ACBD5: variants seen among roughly 807,000 people sequenced by gnomAD.
ACBD5 encodes the protein acyl-CoA binding domain containing 5, also known as acyl-CoA-binding domain-containing protein 5.
Under a neutral mutation model 71.8 loss-of-function variants are expected in ACBD5, and 40 were observed. That is an observed-to-expected ratio of 0.56 (90% CI 0.43 to 0.72). ACBD5 has a LOEUF of 0.72. ACBD5 is among the 30% of genes least tolerant of loss of function. The probability of loss-of-function intolerance (pLI) is 0.00; values close to 1 mark genes in which losing one functional copy is unlikely to be tolerated. For synonymous variants in ACBD5, 229 were observed against 218.6 expected, an observed-to-expected ratio of 1.05 and a Z score of -0.42; for missense variants, 559 against 644.5, an observed-to-expected ratio of 0.87 and a Z score of 1.44.
At chr10:27,198,885 C>T (rs1403649047) in intron 12 of ACBD5, among the ~76,000 whole-genome samples, 1 of 152,024 alleles carries the variant, frequency 6.6e-6, no homozygotes, top group Admixed American at 6.6e-5. Context: ...CCGAGGCGGG[C>T]GGATCACGAG....
intron 7 of ACBD5, among the ~76,000 whole-genome samples, chr10:27,217,242 G>A (rs1220840472): frequency 6.9e-6 from 1 of 144,436 alleles, no homozygotes; most frequent in Non-Finnish European, 1.5e-5. Flanking sequence ...GATCACTTAA[G>A]GTCAGGAGTT....
downstream of ACBD5, among the ~76,000 whole-genome samples, chr10:27,190,317 C>T (rs1190768927): frequency 2.0e-5 from 2 of 98,598 alleles, no homozygotes; most frequent in African/African-American, 7.0e-5. Flanking sequence ...TTTGTCCCAC[C>T]CCCATTAAAT....
In ACBD5 at chr10:27,207,286, C is replaced by CATAATAATAATAATA. The variant is rs10676608; in HGVS notation, c.1404+945_1404+959dup. On this transcript the variant is annotated intron_variant, in intron 10 of 12. Coordinates refer to ENST00000396271, the MANE Select transcript of ACBD5 (RefSeq NM_145698.5). ...TGAGACTCCATCTCAAAAAAAAACC[C>CATAATAATAATAATA]ATAATAATAATAATAATAATAATAA... Among the ~76,000 whole-genome samples the CATAATAATAATAATA allele has an allele frequency of 2.2e-3, 326 of 146,074 alleles. 1 individual carries two copies. The highest frequency in any genetic ancestry group is 6.8e-3 in the African/African-American group (271 of 40,138).
chr10:27,226,786 A>C (rs949505351), intron 4 of ACBD5, among the ~76,000 whole-genome samples: 1 of 151,604 alleles, frequency 6.6e-6, no homozygotes, highest in Non-Finnish European at 1.5e-5. Context: ...CGAGTAGCTG[A>C]GACTATAGGC....
At chr10:27,190,608 G>C (rs755535376), downstream of ACBD5, among the ~76,000 whole-genome samples, 49 of 148,070 alleles carry the variant, frequency 3.3e-4, no homozygotes, top group Non-Finnish European at 5.0e-4. Context: ...CTTATTTTTA[G>C]CCATTTATAA....
At chr10:27,216,307 T>C (rs552473817) in intron 7 of ACBD5, among the ~76,000 whole-genome samples, 12 of 152,274 alleles carry the variant, frequency 7.9e-5, no homozygotes, top group African/African-American at 2.9e-4. Context: ...GCCCAGCTAA[T>C]TTTTTGTATA....
At chr10:27,193,466 T>C (rs74544016), downstream of ACBD5, 7,787 of 152,012 alleles carry the variant, frequency 0.051, 316 homozygotes, top group Admixed American at 0.12. Context: ...GAACTGATAC[T>C]ACCCTTGATC....
chr10:27,241,082 G>C (rs190835927), upstream of ACBD5, among the ~76,000 whole-genome samples: 1 of 152,378 alleles, frequency 6.6e-6, no homozygotes, highest in African/African-American at 2.4e-5. Context: ...CGAAGTGCGC[G>C]CTGGGGATGC....
Position 27,217,990 on chromosome 10 carries a change from G to A in ACBD5, c.819C>T (p.Cys273=). 1 of 1,614,076 alleles carries A rather than the reference G, an allele frequency of 6.2e-7. No individual in the cohort carries two copies. The highest frequency in any genetic ancestry group is 8.5e-7 in the Non-Finnish European group (1 of 1,179,984). Residue 273 remains cysteine (C), a synonymous_variant, in exon 7 of 13, where the codon TGC becomes TGT. Coordinates refer to ENST00000396271, the MANE Select transcript of ACBD5 (RefSeq NM_145698.5). ...NLGQTGKSAV[C]IHQDINDDHV... ...ATTTGGGGACAATACCTTGGTGAAT[G>A]CAAACAGCAGATTTTCCAGTTTGCC... is the stretch of plus-strand genomic sequence containing the variant.
Position 27,196,439 on chromosome 10 carries a change from C to T in ACBD5, c.*991G>A, listed in dbSNP as rs1031718761. On this transcript the variant is annotated 3_prime_UTR_variant, in exon 13 of 13. Coordinates refer to ENST00000396271, the MANE Select transcript of ACBD5 (RefSeq NM_145698.5). ...CGTTAGCTTGCAAATCCCTCCAGTA[C>T]TCCTGTGAAGTAGGTGTATCTAAAA... 2.2e-6 allele frequency: 1 copy of T among 454,424 alleles called. No individual in the cohort carries two copies. Among genetic ancestry groups the T allele is most frequent in the East Asian group, 6.9e-5 (1 of 14,392 alleles). 28.1% of individuals were successfully genotyped at this position (454,424 alleles called of 1,614,324 possible). A position where few individuals can be genotyped will look rare whatever the true frequency, so the allele number is the denominator to read the frequency against.
intron 10 of ACBD5, among the ~76,000 whole-genome samples, chr10:27,207,161 A>T (rs1482877701): frequency 1.3e-5 from 2 of 151,866 alleles, no homozygotes; most frequent in East Asian, 3.9e-4. Context: ...CTGTAGTCTC[A>T]GCTACTCAGG....
downstream of ACBD5, among the ~76,000 whole-genome samples, chr10:27,194,008 T>C (rs990826164): frequency 6.6e-6 from 1 of 152,126 alleles, no homozygotes; most frequent in African/African-American, 2.4e-5. Flanking sequence ...CCCAGCATTT[T>C]GGGAGGCTGA....
chr10:27,240,772 AC>A lies in ACBD5; in HGVS notation c.-85del. 2 of 1,538,448 alleles carry A rather than the reference AC, an allele frequency of 1.3e-6. No homozygotes were observed. The highest frequency in any genetic ancestry group is 1.2e-5 in the South Asian group (1 of 83,764). The stretch of plus-strand genomic sequence containing the variant: ...CTGGGGACCCTGGCGGAGCAGCCAC[AC>A]CCCCCATTCCGCCGGAGTCCGTCTG... On this transcript the variant is annotated 5_prime_UTR_variant, in exon 1 of 13. It removes the in-frame stop codon of an upstream open reading frame in the 5' UTR. Coordinates refer to ENST00000396271, the MANE Select transcript of ACBD5 (RefSeq NM_145698.5). The surrounding 1 kb of genome is among the most constrained non-coding windows in gnomAD (Gnocchi z 4.1).
chr10:27,205,089 T>A, intron 11 of ACBD5, 109 bp downstream of exon 11: 1 of 1,054,296 alleles, frequency 9.5e-7, no homozygotes, highest in Non-Finnish European at 1.4e-6. Flanking sequence ...ATCGCACCAC[T>A]GCACTCCAGC....
chr10:27,200,596 C>G (rs1056762840), intron 12 of ACBD5, among the ~76,000 whole-genome samples: 1 of 151,756 alleles, frequency 6.6e-6, no homozygotes, highest in South Asian at 2.1e-4. Context: ...AGGTGCCTCC[C>G]GAGTAGCTGG....
chr10:27,192,353 T>C (rs1204440219), downstream of ACBD5, among the ~76,000 whole-genome samples: 2 of 152,016 alleles, frequency 1.3e-5, no homozygotes, highest in Non-Finnish European at 2.9e-5. Context: ...TTAAACACTC[T>C]CTCTCTCCTA....
intron 9 of ACBD5, among the ~76,000 whole-genome samples, chr10:27,209,190 G>A (rs1303001620): frequency 6.6e-6 from 1 of 151,974 alleles, no homozygotes; most frequent in African/African-American, 2.4e-5. Flanking sequence ...CTCCCAAACT[G>A]CTGTGGGATT....
chr10:27,228,815 ATT>A (rs1167438554), intron 4 of ACBD5, among the ~76,000 whole-genome samples: 25 of 20,344 alleles, frequency 1.2e-3, no homozygotes, highest in African/African-American at 2.2e-3. Flanking sequence ...ATATATATAT[ATT>A]TTTTTTTTTT....
At position 27,240,548 on chromosome 10, in the gene ACBD5, G is replaced by T; in HGVS notation, c.16-64C>A. On this transcript the variant is annotated intron_variant, in intron 1 of 12. Coordinates refer to ENST00000396271, the MANE Select transcript of ACBD5 (RefSeq NM_145698.5). The surrounding 1 kb of genome is among the most constrained non-coding windows in gnomAD (Gnocchi z 4.1). ...AAAGGAGGAGGCCCGGGAGCGAAGC[G>T]GGTCAGTTCCCCTTTGCCCTGCCCT... 1.3e-6 allele frequency: 2 copies of T among 1,550,478 alleles called. No homozygotes were observed. The highest frequency in any genetic ancestry group is 1.2e-5 in the South Asian group (1 of 84,560).
Sources: allele counts gnomAD v4.1 joint callset (sites outside exome capture counted in the v4.1 genomes callset), GRCh38; gene constraint gnomAD v4.1.1; non-coding constraint Gnocchi (gnomAD v3.1); transcripts MANE v1.5; gene names NCBI Gene and HGNC (gene_info 2026-07-23, HGNC 2026-07-21).